Variants in FHOD3 observed in about 807,000 individuals in gnomAD.
The protein encoded by FHOD3 is FH1/FH2 domain-containing protein 3.
In FHOD3, 90 loss-of-function variants were observed where a neutral mutation model predicts 173.0. The ratio of observed to expected loss-of-function variants is 0.52; its 90% CI spans 0.44 to 0.62. The LOEUF (loss-of-function observed/expected upper bound fraction) is 0.62, where lower values mean the gene tolerates loss of function less well. FHOD3 is among the 20% of genes least tolerant of loss of function. The probability of loss-of-function intolerance (pLI) is 0.00; values close to 1 mark genes in which losing one functional copy is unlikely to be tolerated. For missense variants in FHOD3, 1,945 were observed against 2,034.7 expected (o/e 0.96, Z 0.85); for synonymous variants, 828 against 823.0 (o/e 1.01, Z -0.10).
chr18:36,509,426 CAA>C (rs34772691), intron 4 of FHOD3, among the ~76,000 whole-genome samples: 5 of 54,816 alleles, frequency 9.1e-5, no homozygotes, highest in Non-Finnish European at 1.5e-4. Flanking sequence ...GACTCCATCT[CAA>C]AAAAAAAAAA....
intron 1 of FHOD3, among the ~76,000 whole-genome samples, chr18:36,338,410 A>G (rs903501451): frequency 6.6e-6 from 1 of 152,050 alleles, no homozygotes; most frequent in Non-Finnish European, 1.5e-5. Flanking sequence ...CTGGCTTTTT[A>G]TGTACCGTGC....
chr18:36,535,066 G>C (rs1388411504), intron 5 of FHOD3, among the ~76,000 whole-genome samples: 1 of 152,028 alleles, frequency 6.6e-6, no homozygotes, highest in African/African-American at 2.4e-5. Flanking sequence ...CCCATCCCAG[G>C]AAATACACAT....
At chr18:36,623,854 A>G (rs1037507270) in intron 9 of FHOD3, among the ~76,000 whole-genome samples, 2 of 152,236 alleles carry the variant, frequency 1.3e-5, no homozygotes. Flanking sequence ...AGGTGCTGAT[A>G]TGTCCCTGTG....
At chr18:36,463,000 C>T (rs1005416425) in intron 3 of FHOD3, among the ~76,000 whole-genome samples, 5 of 152,088 alleles carry the variant, frequency 3.3e-5, no homozygotes, top group Admixed American at 3.3e-4. Context: ...CTAGAAGTTT[C>T]TCAGTAGTTT....
rs186279982 is a variant in FHOD3 at position 36,584,528 on chromosome 18, A to T, written c.606+7983A>T. Among the ~76,000 whole-genome samples, 209 of 152,368 alleles carry T rather than the reference A, an allele frequency of 1.4e-3. 1 individual carries two copies. The highest frequency in any genetic ancestry group is 4.6e-3 in the African/African-American group (192 of 41,584). ...TCCTTGAATTGCACTATTGTCTTAA[A>T]TCCATCCTTGATATTGGATGTTGTG... On this transcript the variant is annotated intron_variant, in intron 6 of 28. Transcript: ENST00000590592.
At chr18:36,634,901 A>G (rs779675132) in intron 10 of FHOD3, among the ~76,000 whole-genome samples, 10 of 152,202 alleles carry the variant, frequency 6.6e-5, no homozygotes, top group Non-Finnish European at 1.3e-4. Flanking sequence ...ATGCTAGAGG[A>G]TTTCACAACA....
At chr18:36,778,664 C>T (rs553185701) in intron 28 of FHOD3, 19 of 152,144 alleles carry the variant, frequency 1.2e-4, no homozygotes, top group African/African-American at 4.3e-4. Context: ...CCAACTGCAA[C>T]CCCCCAGTGA....
At chr18:36,434,328 G>A (rs574360371) in intron 3 of FHOD3, among the ~76,000 whole-genome samples, 3 of 152,272 alleles carry the variant, frequency 2.0e-5, no homozygotes, top group East Asian at 3.9e-4. Flanking sequence ...ATCTTTTCCT[G>A]TTGATTTATA....
At chr18:36,771,105 G>C (rs1458263056) in intron 28 of FHOD3, among the ~76,000 whole-genome samples, 1 of 152,098 alleles carries the variant, frequency 6.6e-6, no homozygotes, top group Admixed American at 6.6e-5. Flanking sequence ...AAAGAACTTG[G>C]CTAGGGGCTC....
At chr18:36,626,351 G>A (rs1162068331) in intron 10 of FHOD3, among the ~76,000 whole-genome samples, 1 of 152,164 alleles carries the variant, frequency 6.6e-6, no homozygotes, top group African/African-American at 2.4e-5. Flanking sequence ...TGAGCCTCAC[G>A]TTTGGGCTGG....
At chr18:36,414,187 AC>A (rs1230071961) in intron 3 of FHOD3, among the ~76,000 whole-genome samples, 4 of 152,118 alleles carry the variant, frequency 2.6e-5, no homozygotes, top group African/African-American at 9.7e-5. Flanking sequence ...ATTCTTGAGG[AC>A]CCGTCATGTA....
chr18:36,704,323 A>G (rs1196811996), intron 17 of FHOD3, among the ~76,000 whole-genome samples: 1 of 152,180 alleles, frequency 6.6e-6, no homozygotes, highest in Non-Finnish European at 1.5e-5. Flanking sequence ...ACCCAGGAAG[A>G]CAGATCCCAG....
chr18:36,664,774 ATG>A (rs1422591331), intron 14 of FHOD3, among the ~76,000 whole-genome samples: 1 of 63,656 alleles, frequency 1.6e-5, no homozygotes, highest in Non-Finnish European at 3.7e-5. Flanking sequence ...GTGTGTGTGT[ATG>A]TGAGAGAGAG....
intron 4 of FHOD3, among the ~76,000 whole-genome samples, chr18:36,512,184 G>A (rs945479143): frequency 6.6e-6 from 1 of 152,248 alleles, no homozygotes; most frequent in East Asian, 1.9e-4. Flanking sequence ...ATTTCTGGCA[G>A]TGAGGAGATT....
At chr18:36,696,740 A>C (rs2039305531) in intron 17 of FHOD3, among the ~76,000 whole-genome samples, 1 of 152,204 alleles carries the variant, frequency 6.6e-6, no homozygotes, top group South Asian at 2.1e-4. Flanking sequence ...AGACTTGGTG[A>C]TGATGGTCTA....
At chr18:36,724,553 A>G (rs1460487522) in intron 19 of FHOD3, among the ~76,000 whole-genome samples, 1 of 152,152 alleles carries the variant, frequency 6.6e-6, no homozygotes, top group Non-Finnish European at 1.5e-5. Flanking sequence ...GCTCACCTGC[A>G]TCTTCCTAGA....
intron 5 of FHOD3, among the ~76,000 whole-genome samples, chr18:36,527,534 G>A (rs186463015): frequency 3.9e-5 from 6 of 152,268 alleles, no homozygotes; most frequent in East Asian, 1.9e-4. Context: ...GTTTTGTATC[G>A]TTTCTTCTCC....
At chr18:36,300,506 A>G (rs1598621769) in intron 1 of FHOD3, among the ~76,000 whole-genome samples, 1 of 152,134 alleles carries the variant, frequency 6.6e-6, no homozygotes, top group Admixed American at 6.5e-5. Context: ...GGGTCTGTTG[A>G]CCTGGGTGAG....
chr18:36,466,685 G>A (rs1790645), intron 3 of FHOD3, among the ~76,000 whole-genome samples: 75,369 of 151,890 alleles, frequency 0.5, 19,469 homozygotes, highest in South Asian at 0.6. Context: ...CTTTCTCCAG[G>A]CCCCTCAGGA....
Sources: gnomAD v4.1 joint callset for allele counts (sites outside exome capture counted in the v4.1 genomes callset) on GRCh38, gnomAD v4.1.1 for gene constraint, MANE v1.5 for transcripts, NCBI Gene and HGNC (gene_info 2026-07-23, HGNC 2026-07-21) for gene names.